Variants in STARD13 observed in about 807,000 individuals in gnomAD.
The protein encoded by STARD13 is stAR-related lipid transfer protein 13.
A neutral mutation model predicts 106.4 loss-of-function variants in STARD13; 62 were observed. The observed-to-expected ratio is 0.58, with a 90% CI of 0.48 to 0.72. The LOEUF (loss-of-function observed/expected upper bound fraction) is 0.72, where lower values mean the gene tolerates loss of function less well. Among genes scored for constraint, STARD13 ranks in the 30% least tolerant of loss-of-function variants. STARD13 has a pLI of 0.00. For synonymous variants in STARD13, 565 were observed against 553.0 expected, an observed-to-expected ratio of 1.02 and a Z score of -0.31; for missense variants, 1,387 against 1,424.0, an observed-to-expected ratio of 0.97 and a Z score of 0.42.
At chr13:33,287,677 C>T (rs1158596885), upstream of STARD13, among the ~76,000 whole-genome samples, 2 of 152,164 alleles carry the variant, frequency 1.3e-5, no homozygotes, top group African/African-American at 2.4e-5. Context: ...CAGTCCGCAC[C>T]GGTGGCCGTC....
At chr13:33,267,211 C>G (rs905390441) in intron 1 of STARD13, among the ~76,000 whole-genome samples, 3 of 152,152 alleles carry the variant, frequency 2.0e-5, no homozygotes, top group Non-Finnish European at 2.9e-5. Context: ...ACTGGACCAC[C>G]TATTCAAATT....
chr13:33,139,609 T>C (rs1879540807), intron 4 of STARD13, among the ~76,000 whole-genome samples: 1 of 152,200 alleles, frequency 6.6e-6, no homozygotes, highest in Non-Finnish European at 1.5e-5. Flanking sequence ...CATGGGGACT[T>C]ACCTAGAGGA....
chr13:33,172,147 C>G (rs1449255616), intron 1 of STARD13, among the ~76,000 whole-genome samples: 1 of 152,176 alleles, frequency 6.6e-6, no homozygotes, highest in Non-Finnish European at 1.5e-5. Flanking sequence ...TCTGTCAAAA[C>G]AGTACTATGC....
intron 1 of STARD13, chr13:33,350,224 C>T: frequency 6.9e-7 from 1 of 1,457,830 alleles, no homozygotes; most frequent in Non-Finnish European, 9.0e-7. Flanking sequence ...GGCGGCGGGC[C>T]CGGGCGGGCT....
chr13:33,161,742 C>G (rs1882652428), intron 3 of STARD13, among the ~76,000 whole-genome samples: 1 of 152,126 alleles, frequency 6.6e-6, no homozygotes, highest in Non-Finnish European at 1.5e-5. Context: ...TTTCACACTG[C>G]TGATAAAGAC....
the STARD13 span, among the ~76,000 whole-genome samples, chr13:33,470,927 G>T: frequency 6.6e-6 from 1 of 152,182 alleles, no homozygotes; most frequent in South Asian, 2.1e-4. Flanking sequence ...TCTTTAGTTT[G>T]ATTAGATCCA....
chr13:33,205,832 G>A (rs1887379973), intron 1 of STARD13: 1 of 984,862 alleles, frequency 1.0e-6, no homozygotes, highest in Non-Finnish European at 1.2e-6. Context: ...GTTTAAAATT[G>A]TCCTTAGGCT....
chr13:33,375,530 A>G, the STARD13 span, among the ~76,000 whole-genome samples: 1 of 152,154 alleles, frequency 6.6e-6, no homozygotes, highest in Non-Finnish European at 1.5e-5. Flanking sequence ...TCACAGTTCA[A>G]CAGGGCTGGG....
chr13:33,207,057 G>C (rs79009906), intron 1 of STARD13, among the ~76,000 whole-genome samples: 2,568 of 152,280 alleles, frequency 0.017, 81 homozygotes, highest in African/African-American at 0.058. Context: ...CAACAACAGA[G>C]AGAATATTAA....
upstream of STARD13, among the ~76,000 whole-genome samples, chr13:33,288,254 T>C (rs1892150778): frequency 6.6e-6 from 1 of 152,100 alleles, no homozygotes; most frequent in African/African-American, 2.4e-5. Context: ...ATCTTAGCAA[T>C]AAAGAGCAAG....
intron 1 of STARD13, among the ~76,000 whole-genome samples, chr13:33,192,437 C>A (rs1311724676): frequency 2.0e-5 from 3 of 152,178 alleles, no homozygotes; most frequent in African/African-American, 7.2e-5. Context: ...GTTTATAGGA[C>A]CTGTGAAAGC....
At chr13:33,173,924 A>T (rs1884248164) in intron 1 of STARD13, among the ~76,000 whole-genome samples, 1 of 152,154 alleles carries the variant, frequency 6.6e-6, no homozygotes, top group Non-Finnish European at 1.5e-5. Flanking sequence ...GTTTATGTGG[A>T]CTTCTTTCCC....
chr13:33,341,900 C>CT (rs910825272), intron 1 of STARD13, among the ~76,000 whole-genome samples: 1 of 152,020 alleles, frequency 6.6e-6, no homozygotes, highest in Non-Finnish European at 1.5e-5. Flanking sequence ...AGTGATTCCC[C>CT]TGCCTCAGCC....
At chr13:33,303,517 ATGG>A (rs1892795977) in intron 1 of STARD13, among the ~76,000 whole-genome samples, 1 of 152,174 alleles carries the variant, frequency 6.6e-6, no homozygotes, top group Non-Finnish European at 1.5e-5. Flanking sequence ...CCTCTGACAT[ATGG>A]TAGGGCTCAG....
chr13:33,439,303 C>T, the STARD13 span, among the ~76,000 whole-genome samples: 1 of 152,236 alleles, frequency 6.6e-6, no homozygotes, highest in Non-Finnish European at 1.5e-5. Context: ...CCACTACCCT[C>T]ATATATGCCT....
chr13:33,384,731 C>T, the STARD13 span, among the ~76,000 whole-genome samples: 2 of 152,170 alleles, frequency 1.3e-5, no homozygotes, highest in African/African-American at 4.8e-5. Flanking sequence ...TTGATCTCTT[C>T]ATCCACTGTG....
the STARD13 span, among the ~76,000 whole-genome samples, chr13:33,499,651 T>TCTC: frequency 8.0e-6 from 1 of 125,606 alleles, no homozygotes; most frequent in Non-Finnish European, 1.7e-5. Flanking sequence ...TTCTTCTCCT[T>TCTC]CTTCTTCTTC....
intron 1 of STARD13, among the ~76,000 whole-genome samples, chr13:33,212,314 C>T (rs1002557472): frequency 1.2e-4 from 19 of 152,220 alleles, no homozygotes; most frequent in Admixed American, 6.5e-5. Flanking sequence ...TGTCTTACTT[C>T]GTGACCAACT....
chr13:33,336,484 T>C (rs1474500071), intron 1 of STARD13: 2 of 152,218 alleles, frequency 1.3e-5, no homozygotes, highest in African/African-American at 4.8e-5. Flanking sequence ...CCATGTTCGG[T>C]GGCTCACACC....
Sources: gnomAD v4.1 joint callset for allele counts (sites outside exome capture counted in the v4.1 genomes callset) on GRCh38, gnomAD v4.1.1 for gene constraint, MANE v1.5 for transcripts, NCBI Gene and HGNC (gene_info 2026-07-23, HGNC 2026-07-21) for gene names.